OMA1: variants seen among roughly 807,000 people sequenced by gnomAD.
The protein encoded by OMA1 is metalloendopeptidase OMA1, mitochondrial.
OMA1 carries 38 observed loss-of-function variants against 30.9 expected under a neutral mutation model. The ratio of observed to expected loss-of-function variants is 1.23; its 90% CI spans 0.95 to 1.61. The LOEUF (loss-of-function observed/expected upper bound fraction) is 1.61, where lower values mean the gene tolerates loss of function less well. Among genes scored for constraint, OMA1 ranks in the 40% most tolerant of loss-of-function variants. The pLI is 0.00. For synonymous variants in OMA1, 173 were observed against 121.9 expected, an observed-to-expected ratio of 1.42 and a Z score of -2.76; for missense variants, 461 against 349.2, an observed-to-expected ratio of 1.32 and a Z score of -2.55.
chr1:58,506,817 T>C (rs1261845557), intron 7 of OMA1, among the ~76,000 whole-genome samples: 2 of 152,164 alleles, frequency 1.3e-5, no homozygotes, highest in African/African-American at 2.4e-5. Flanking sequence ...TTACCCAATT[T>C]TCTCAATGTA....
intron 8 of OMA1, among the ~76,000 whole-genome samples, chr1:58,499,314 CAAA>C (rs58217798): frequency 0.037 from 2,543 of 69,572 alleles, 22 homozygotes; most frequent in African/African-American, 0.12. Flanking sequence ...CACATCTCTA[CAAA>C]AAAAAAAAAA....
chr1:58,522,188 C>T (rs1339273196), intron 7 of OMA1, among the ~76,000 whole-genome samples: 1 of 151,866 alleles, frequency 6.6e-6, no homozygotes, highest in Non-Finnish European at 1.5e-5. Flanking sequence ...GGAAGGAGAA[C>T]ATCAGGAAGA....
At chr1:58,495,003 AG>A (rs1418888646) in intron 8 of OMA1, among the ~76,000 whole-genome samples, 1 of 152,226 alleles carries the variant, frequency 6.6e-6, no homozygotes, top group Non-Finnish European at 1.5e-5. Flanking sequence ...ACAATAGCAA[AG>A]ACTTGGAACC....
chr1:58,524,228 G>T (rs1046592651), intron 7 of OMA1, among the ~76,000 whole-genome samples: 8 of 152,132 alleles, frequency 5.3e-5, no homozygotes, highest in African/African-American at 1.9e-4. Flanking sequence ...ACTTTCATCT[G>T]CATTAAAAAC....
intron 8 of OMA1, among the ~76,000 whole-genome samples, chr1:58,484,568 A>G (rs61781782): frequency 0.067 from 10,210 of 152,284 alleles, 420 homozygotes; most frequent in Middle Eastern, 0.15. Context: ...CAGATGAGGA[A>G]ACTGAGTCTC....
chr1:58,485,230 A>C (rs1372151614), intron 8 of OMA1, among the ~76,000 whole-genome samples: 1 of 117,272 alleles, frequency 8.5e-6, no homozygotes, highest in Non-Finnish European at 1.9e-5. Flanking sequence ...TCTACTACTA[A>C]AAAAAAAAAA....
At chr1:58,526,729 T>A (rs1036253816) in intron 7 of OMA1, among the ~76,000 whole-genome samples, 4 of 151,986 alleles carry the variant, frequency 2.6e-5, no homozygotes, top group African/African-American at 9.7e-5. Context: ...GATCAACCTA[T>A]CTTCAAGTGG....
At chr1:58,494,576 AAAAC>A (rs1320841369) in intron 8 of OMA1, among the ~76,000 whole-genome samples, 3 of 152,180 alleles carry the variant, frequency 2.0e-5, no homozygotes, top group African/African-American at 7.2e-5. Context: ...TTACAAGAAA[AAAAC>A]AAACAACCCC....
chr1:58,497,317 T>C (rs1237932288), intron 8 of OMA1, among the ~76,000 whole-genome samples: 1 of 152,140 alleles, frequency 6.6e-6, no homozygotes, highest in African/African-American at 2.4e-5. Flanking sequence ...TGAAGTATCC[T>C]AATTTAAACA....
intron 8 of OMA1, among the ~76,000 whole-genome samples, chr1:58,491,091 A>G (rs1253321786): frequency 6.6e-6 from 1 of 151,910 alleles, no homozygotes; most frequent in Non-Finnish European, 1.5e-5. Context: ...ACAGGCGTGA[A>G]CCACTGCACC....
At chr1:58,526,210 T>C (rs374707013) in intron 7 of OMA1, among the ~76,000 whole-genome samples, 5 of 152,102 alleles carry the variant, frequency 3.3e-5, no homozygotes, top group East Asian at 3.8e-4. Context: ...CCCCCTTATG[T>C]GGGAACTTCT....
At chr1:58,487,686 AAGTAATTT>A (rs1645599115) in intron 8 of OMA1, among the ~76,000 whole-genome samples, 1 of 152,110 alleles carries the variant, frequency 6.6e-6, no homozygotes, top group South Asian at 2.1e-4. Context: ...CTTCTTTCTA[AAGTAATTT>A]AGTAATTTGT....
At chr1:58,481,273 TG>T (rs1431921820) in intron 8 of OMA1, 99 bp from the exon 9 acceptor site, 2 of 448,824 alleles carry the variant, frequency 4.5e-6, no homozygotes, top group Admixed American at 4.0e-5. Context: ...AAACAAAGAA[TG>T]TATTGTTATT....
chr1:58,537,992 T>A (rs72672239), intron 2 of OMA1, among the ~76,000 whole-genome samples: 7,334 of 152,242 alleles, frequency 0.048, 224 homozygotes, highest in African/African-American at 0.063. Flanking sequence ...CAACCAATAG[T>A]CAATACAGCT....
intron 8 of OMA1, among the ~76,000 whole-genome samples, chr1:58,495,325 C>T (rs1043147595): frequency 3.9e-5 from 6 of 151,914 alleles, no homozygotes; most frequent in Non-Finnish European, 7.4e-5. Context: ...TGTTAAATGA[C>T]GAGTTAATGG....
intron 8 of OMA1, among the ~76,000 whole-genome samples, chr1:58,505,796 GTTAAAA>G (rs1645979148): frequency 6.6e-6 from 1 of 152,078 alleles, no homozygotes; most frequent in Non-Finnish European, 1.5e-5. Flanking sequence ...CATCAAGTCA[GTTAAAA>G]TTAAAGTCTC....
At chr1:58,535,410 C>T (rs1308842659) in intron 3 of OMA1, among the ~76,000 whole-genome samples, 26 of 152,028 alleles carry the variant, frequency 1.7e-4, no homozygotes, top group Admixed American at 1.7e-3. Flanking sequence ...TCCTGGCCAA[C>T]ACGGATGAAA....
intron 3 of OMA1, among the ~76,000 whole-genome samples, chr1:58,535,487 T>C (rs1354508787): frequency 1.3e-5 from 2 of 151,330 alleles, no homozygotes; most frequent in East Asian, 3.9e-4. Flanking sequence ...TCCCAGCTAC[T>C]CGGGAGGCTG....
intron 7 of OMA1, among the ~76,000 whole-genome samples, chr1:58,508,852 A>G (rs916001689): frequency 6.6e-6 from 1 of 152,124 alleles, no homozygotes; most frequent in African/African-American, 2.4e-5. Context: ...GGGCTCGGGA[A>G]AGAGGTAGAT....
Sources: gnomAD v4.1 joint callset for allele counts (sites outside exome capture counted in the v4.1 genomes callset) on GRCh38, gnomAD v4.1.1 for gene constraint, MANE v1.5 for transcripts, NCBI Gene and HGNC (gene_info 2026-07-23, HGNC 2026-07-21) for gene names.